ATP5F1A: variants seen among roughly 807,000 people sequenced by gnomAD.
ATP5F1A encodes ATP synthase F(1) complex subunit alpha, mitochondrial.
In ATP5F1A, 24 loss-of-function variants were observed where a neutral mutation model predicts 57.4. The observed-to-expected ratio is 0.42, with a 90% CI of 0.30 to 0.59. The LOEUF is 0.59. ATP5F1A is among the 20% of genes least tolerant of loss of function. The pLI is 0.19. For synonymous variants in ATP5F1A, 251 were observed against 255.5 expected, an observed-to-expected ratio of 0.98 and a Z score of 0.17; for missense variants, 494 against 707.9, an observed-to-expected ratio of 0.70 and a Z score of 3.43.
rs895030647 is a variant in ATP5F1A, at chr18:46,083,394, C to T, written c.*888G>A. Reference sequence around the variant, plus strand: ...GGCAGAAGCTGCAGTGAGCTGAGATCACACCACTGTACTCCAGCCTGGGTG... The same window carrying T: ...GGCAGAAGCTGCAGTGAGCTGAGATTACACCACTGTACTCCAGCCTGGGTG... On this transcript the variant is annotated 3_prime_UTR_variant, in exon 12 of 12. Transcript: ENST00000398752. 5 of 152,300 alleles carry T rather than the reference C, an allele frequency of 3.3e-5. No homozygotes were observed. Among genetic ancestry groups the T allele is most frequent in the African/African-American group, 1.2e-4 (5 of 41,444 alleles). 9.4% of individuals were successfully genotyped at this position (152,300 alleles called of 1,614,324 possible).
At chr18:46,101,421 T>C (rs1001048159), upstream of ATP5F1A, among the ~76,000 whole-genome samples, 2 of 151,836 alleles carry the variant, frequency 1.3e-5, no homozygotes, top group Non-Finnish European at 2.9e-5. Flanking sequence ...AAAAATTAGC[T>C]GGGGGTGGTG....
chr18:46,088,220 T>A lies in ATP5F1A; in HGVS notation c.688A>T (p.Lys230Ter). ...TCATCAGATCCATCATTGAAACGTT[T>A]CTGGTTAATGATTGTGTCAATAGCA... ...SIAIDTIINQ[K>*]RFNDGSDEKK... is the part of the protein sequence containing the mutation. Residue 230 changes from lysine (K) to a stop codon, truncating the protein, a stop_gained, in exon 6 of 12, where the codon AAA (lysine) becomes TAA (stop). Transcript: ENST00000398752. LOFTEE classifies it high-confidence loss of function. The A allele has an allele frequency of 6.3e-7, 1 of 1,595,838 alleles. No individual in the cohort carries two copies.
chr18:46,097,760 C>A (rs539977510), intron 1 of ATP5F1A: 1 of 975,432 alleles, frequency 1.0e-6, no homozygotes, highest in South Asian at 4.6e-5. Context: ...CACTGACTAG[C>A]TTCAACAAGA....
upstream of ATP5F1A, among the ~76,000 whole-genome samples, chr18:46,101,455 C>G (rs1337812929): frequency 1.3e-5 from 2 of 152,128 alleles, no homozygotes; most frequent in Non-Finnish European, 2.9e-5. Context: ...ACCCCAGCTA[C>G]TCAGGAGGCT....
At chr18:46,099,665 G>A (rs1013056686), upstream of ATP5F1A, among the ~76,000 whole-genome samples, 14 of 151,940 alleles carry the variant, frequency 9.2e-5, no homozygotes, top group Non-Finnish European at 1.8e-4. Flanking sequence ...TCTCTATGTT[G>A]CCCAGGCTGG....
rs539881845 is a variant in ATP5F1A at position 46,103,462 on chromosome 18, G to A, written c.-49+675C>T. Among the ~76,000 whole-genome samples the A allele has an allele frequency of 1.1e-4, 16 of 151,644 alleles. No individual in the cohort carries two copies. In the South Asian group the frequency reaches 2.9e-3, roughly 28 times the overall value. On this transcript the variant is annotated intron_variant, in intron 1 of 12. Coordinates refer to the ATP5F1A transcript ENST00000282050. The stretch of plus-strand genomic sequence containing the variant: ...CTAAGATACAAAAAATTAGCTGGGC[G>A]TGGTGATGCACACCTGTAATCCCAG...
chr18:46,087,589 A>C, intron 6 of ATP5F1A, 97 bp from the exon 7 acceptor site: 1 of 1,416,534 alleles, frequency 7.1e-7, no homozygotes, highest in Non-Finnish European at 9.6e-7. Context: ...TACCATTAAG[A>C]GTTAATCAGG....
chr18:46,093,971 G>T (rs954920565), intron 2 of ATP5F1A, among the ~76,000 whole-genome samples: 1 of 151,900 alleles, frequency 6.6e-6, no homozygotes, highest in Admixed American at 6.6e-5. Context: ...GCTGGGTGTG[G>T]TGGTGGGCAC....
At chr18:46,095,007 A>G (rs377317993) in intron 2 of ATP5F1A, 46 bp downstream of exon 2, 1 of 1,549,174 alleles carries the variant, frequency 6.5e-7, no homozygotes, top group Non-Finnish European at 8.7e-7. Flanking sequence ...TGTAATTTAT[A>G]TCTTCATCTA....
rs750242726 is a variant in ATP5F1A, at chr18:46,098,253, G to A, written c.-22C>T. ...GCATCTTTGCAGTTACTCCGCAGGC[G>A]GTACTTCTGCAGCCGCAGCCTCCGG... On this transcript the variant is annotated 5_prime_UTR_variant, in exon 1 of 12. Transcript: ENST00000398752. 15 of 1,600,804 alleles carry A rather than the reference G, an allele frequency of 9.4e-6. No homozygotes were observed. The highest frequency in any genetic ancestry group is 1.3e-5 in the African/African-American group (1 of 74,790).
chr18:46,101,112 C>A (rs1176998762), upstream of ATP5F1A, among the ~76,000 whole-genome samples: 1 of 152,092 alleles, frequency 6.6e-6, no homozygotes, highest in African/African-American at 2.4e-5. Flanking sequence ...TTATAGCGGG[C>A]AGTTTCAGCA....
In ATP5F1A at chr18:46,085,917, G is replaced by C. The variant is rs72903415; in HGVS notation, c.1429+196C>G. Reference sequence around the variant, plus strand: ...CATTGCACTTCAGCCTAGGCCGTAAGAATGAAACTTCGTCTCAAAAAAAAA... The same window carrying C: ...CATTGCACTTCAGCCTAGGCCGTAACAATGAAACTTCGTCTCAAAAAAAAA... On this transcript the variant is annotated intron_variant, in intron 10 of 11. Coordinates refer to ENST00000398752, the MANE Select transcript of ATP5F1A (RefSeq NM_004046.6). 1.6e-3 allele frequency: 1,004 copies of C among 642,280 alleles called. 2 individuals are homozygous for C. Among genetic ancestry groups the C allele is most frequent in the Admixed American group, 3.2e-3 (87 of 27,036 alleles). The allele number at this position is 642,280 out of a possible 1,614,324, so 39.8% of individuals were successfully genotyped here. A position where few individuals can be genotyped will look rare whatever the true frequency, so the allele number is the denominator to read the frequency against.
chr18:46,100,532 C>T (rs934833904), upstream of ATP5F1A, among the ~76,000 whole-genome samples: 20 of 151,960 alleles, frequency 1.3e-4, no homozygotes, highest in African/African-American at 4.8e-4. Context: ...TTCACTTGAG[C>T]CCAGGAGTTT....
rs779987146 is a variant in ATP5F1A at position 46,087,156 on chromosome 18, T to A, written c.1028A>T (p.Tyr343Phe). Residue 343 changes from tyrosine to phenylalanine, a missense_variant, in exon 8 of 12, where the codon TAC becomes TTC. This residue lies in a region of ATP5F1A where 15 missense variants were observed against 49.5 expected (regional missense o/e 0.30). Coordinates refer to ENST00000398752, the MANE Select transcript of ATP5F1A (RefSeq NM_004046.6). ...GREAYPGDVFYLHSRLLERAA... is the reference protein window; with the variant it reads ...GREAYPGDVFFLHSRLLERAA... Reference sequence around the variant, plus strand: ...TCTCTCCAGCAACCGGGAGTGTAGGTAGAACACATCACCAGGATAGGCCTC... The same window carrying A: ...TCTCTCCAGCAACCGGGAGTGTAGGAAGAACACATCACCAGGATAGGCCTC... 5 of 1,614,122 alleles carry A rather than the reference T, an allele frequency of 3.1e-6. No homozygotes were observed. Among genetic ancestry groups the A allele is most frequent in the Non-Finnish European group, 4.2e-6 (5 of 1,180,020 alleles).
At chr18:46,096,495 C>A (rs1193102531) in intron 1 of ATP5F1A, among the ~76,000 whole-genome samples, 4 of 59,980 alleles carry the variant, frequency 6.7e-5, no homozygotes, top group Admixed American at 6.2e-4. Context: ...AGCAAAACTC[C>A]GTCTCAAAAA....
At chr18:46,096,181 AC>A (rs900297455) in intron 1 of ATP5F1A, among the ~76,000 whole-genome samples, 8 of 151,218 alleles carry the variant, frequency 5.3e-5, no homozygotes, top group African/African-American at 1.9e-4. Flanking sequence ...CAGCCACTGC[AC>A]CCGGCCTGGC....
At chr18:46,099,729 C>T (rs117430904), upstream of ATP5F1A, among the ~76,000 whole-genome samples, 553 of 152,216 alleles carry the variant, frequency 3.6e-3, 9 homozygotes, top group East Asian at 0.034. Flanking sequence ...GCGCTGGGCC[C>T]GCTTTTCACC....
At chr18:46,088,333 A>G (rs1910276734) in intron 5 of ATP5F1A, 76 bp from the exon 6 acceptor site, 1 of 1,328,986 alleles carries the variant, frequency 7.5e-7, no homozygotes, top group Non-Finnish European at 1.0e-6. Context: ...AAGAGAGATC[A>G]GACTGTTACT....
At chr18:46,090,093 G>A in intron 3 of ATP5F1A, 97 bp from the exon 4 acceptor site, 1 of 414,300 alleles carries the variant, frequency 2.4e-6, no homozygotes, top group South Asian at 2.5e-5. Flanking sequence ...GGTGGGGGGG[G>A]AAGCAGTATT....
Sources: gnomAD v4.1 joint callset for allele counts (sites outside exome capture counted in the v4.1 genomes callset) on GRCh38, gnomAD v4.1.1 for gene constraint, gnomAD v4.1.1 regional missense constraint, MANE v1.5 for transcripts, NCBI Gene and HGNC (gene_info 2026-07-23, HGNC 2026-07-21) for gene names.